Variants in PHRF1 observed in about 807,000 individuals in gnomAD.
The protein encoded by PHRF1 is PHD and RING finger domain-containing protein 1.
A neutral mutation model predicts 128.9 loss-of-function variants in PHRF1; 53 were observed. That is an observed-to-expected ratio of 0.41 (90% CI 0.33 to 0.52). PHRF1 has a LOEUF of 0.52. PHRF1 is among the 20% of genes least tolerant of loss of function. The pLI is 0.21. For synonymous variants in PHRF1, 1,178 were observed against 980.6 expected (o/e 1.20, Z -3.76); for missense variants, 2,503 against 2,284.5 (o/e 1.10, Z -1.95).
chr11:602,575 G>A (rs917474357), intron 10 of PHRF1, among the ~76,000 whole-genome samples: 1 of 151,848 alleles, frequency 6.6e-6, no homozygotes, highest in Non-Finnish European at 1.5e-5. Context: ...CCAGCCTCAG[G>A]AGGCTGAGGC....
Position 597,678 on chromosome 11 carries a change from G to T in PHRF1, c.894+108G>T. 1.5e-6 allele frequency: 2 copies of T among 1,363,324 alleles called. No individual in the cohort carries two copies. The highest frequency in any genetic ancestry group is 2.0e-6 in the Non-Finnish European group (2 of 1,008,610). The allele number at this position is 1,363,324 out of a possible 1,614,324, so 84.5% of individuals were successfully genotyped here. A position where few individuals can be genotyped will look rare whatever the true frequency, so the allele number is the denominator to read the frequency against. On this transcript the variant is annotated intron_variant, in intron 8 of 17. Transcript: ENST00000264555. This position sits in a 1 kb window ranked among gnomAD's most constrained non-coding sequence, Gnocchi z 6.5. ...TCGTCGGCACTGTGGGGTCCGCCCG[G>T]CCCCGGTGGCTCATGTTGTTCGGCC...
Position 591,391 on chromosome 11 carries a change from A to C in PHRF1, c.428A>C (p.Asn143Thr). The C allele has an allele frequency of 6.2e-7, 1 of 1,607,426 alleles. No individual in the cohort carries two copies. The highest frequency in any genetic ancestry group is 8.5e-7 in the Non-Finnish European group (1 of 1,177,108). ...TGTTTTTATTTCTCACAGAATGCCA[A>C]TTCCTGTCCAGTTGATCGAACTCTA... Reference protein sequence around the residue: ...DCIVEWSKNANSCPVDRTLFK... With the variant: ...DCIVEWSKNATSCPVDRTLFK... The change falls in exon 5 of 18, where the codon AAT becomes ACT. Residue 143 changes from asparagine to threonine, a missense_variant. Asn to Thr is a moderately conservative substitution (Grantham distance 65). Coordinates refer to ENST00000264555, the MANE Select transcript of PHRF1 (RefSeq NM_001286581.2).
chr11:611,532 C>G (rs1179208978), intron 17 of PHRF1, 102 bp from the exon 18 acceptor site: 3 of 1,537,666 alleles, frequency 2.0e-6, no homozygotes, highest in African/African-American at 1.4e-5. Flanking sequence ...CTAGGGCCTG[C>G]TCCTGAGCAG....
At chr11:583,818 C>T (rs1349779623) in intron 3 of PHRF1, among the ~76,000 whole-genome samples, 2 of 152,212 alleles carry the variant, frequency 1.3e-5, no homozygotes, top group Non-Finnish European at 2.9e-5. Flanking sequence ...CTCGGTGGTG[C>T]ACAGCCTGTG....
intron 3 of PHRF1, among the ~76,000 whole-genome samples, chr11:585,588 CTTG>C (rs1455766521): frequency 0.18 from 21,995 of 121,824 alleles, 1,470 homozygotes; most frequent in South Asian, 0.24. Context: ...CCCTTTCCAG[CTTG>C]AGGTAGTAGC....
At position 611,809 on chromosome 11, in the gene PHRF1, C is replaced by T. The variant is rs762880939; in HGVS notation, c.*32C>T. 1 of 1,569,538 alleles carries T rather than the reference C, an allele frequency of 6.4e-7. No homozygotes were observed. The highest frequency in any genetic ancestry group is 8.6e-7 in the Non-Finnish European group (1 of 1,159,994). ...GCAATCACGGGCTATGCCCGGGGAG[C>T]TGTCGGGAGTGGCGGGAATCGGGGC... On this transcript the variant is annotated 3_prime_UTR_variant, in exon 18 of 18. Transcript: ENST00000264555.
Position 610,525 on chromosome 11 carries a change from G to A in PHRF1, c.4441G>A (p.Ala1481Thr). 1.2e-6 allele frequency: 2 copies of A among 1,604,690 alleles called. No individual in the cohort carries two copies. The highest frequency in any genetic ancestry group is 1.7e-6 in the Non-Finnish European group (2 of 1,179,098). ...GGTTTACAGCCCCGGCCTGCCGCCT[G>A]CCCCGGCCCAGCCCTCAAGCATCCC... ...SQVYSPGLPPAPAQPSSIPPC... is the reference protein window; with the variant it reads ...SQVYSPGLPPTPAQPSSIPPC... Residue 1481 changes from alanine to threonine, a missense_variant, in exon 16 of 18, where the codon GCC becomes ACC. Transcript: ENST00000264555.
intron 17 of PHRF1, 70 bp downstream of exon 17, chr11:611,152 A>ATGGACTT: frequency 1.3e-6 from 2 of 1,590,584 alleles, no homozygotes; most frequent in Middle Eastern, 1.7e-4. Context: ...TCTCGTCAGC[A>ATGGACTT]TGGACTTTGG....
At chr11:601,056 C>T (rs1282703706) in intron 9 of PHRF1, among the ~76,000 whole-genome samples, 2 of 152,226 alleles carry the variant, frequency 1.3e-5, no homozygotes. Context: ...GAGGCTGAGG[C>T]AGGAGAATCG....
At chr11:595,660 G>T (rs761550423) in intron 6 of PHRF1, among the ~76,000 whole-genome samples, 1 of 152,244 alleles carries the variant, frequency 6.6e-6, no homozygotes, top group South Asian at 2.1e-4. Flanking sequence ...GCCTGGCCTG[G>T]CTGTGGATGG....
chr11:578,690 C>T (rs538611240), intron 1 of PHRF1, among the ~76,000 whole-genome samples: 11 of 152,150 alleles, frequency 7.2e-5, no homozygotes, highest in Non-Finnish European at 1.6e-4. Context: ...CTCAGACTCC[C>T]GAGCAGCTGG....
chr11:579,320 T>G (rs1046370746), intron 1 of PHRF1, among the ~76,000 whole-genome samples: 1 of 152,176 alleles, frequency 6.6e-6, no homozygotes, highest in Non-Finnish European at 1.5e-5. Context: ...TAGATTCATG[T>G]GAGAGAGTCT....
Position 605,292 on chromosome 11 carries a change from C to T in PHRF1, c.1326C>T (p.Pro442=). 6.2e-7 allele frequency: 1 copy of T among 1,613,154 alleles called. No homozygotes were observed. The highest frequency in any genetic ancestry group is 8.5e-7 in the Non-Finnish European group (1 of 1,179,462). ...SLFGDPYELD[P]FDSSEELSAN... ...TTGGAGATCCTTATGAGCTGGATCC[C>T]TTCGACAGGTGAGTGAACTGGTGAT... is the stretch of plus-strand genomic sequence containing the variant. The change falls in exon 11 of 18, where the codon CCC becomes CCT. Residue 442 remains proline, a synonymous_variant. Coordinates refer to ENST00000264555, the MANE Select transcript of PHRF1 (RefSeq NM_001286581.2).
rs568636744 is a variant in PHRF1, at chr11:607,966, G to GCTCCGA, written c.2515_2520dup (p.Asp839_Ser840dup). 8.8e-5 allele frequency: 142 copies of GCTCCGA among 1,611,756 alleles called. No individual in the cohort carries two copies. The African/African-American group carries it at 1.6e-3, about 18-fold the overall frequency. On this transcript the variant is annotated inframe_insertion, in exon 14 of 18. Transcript: ENST00000264555. ...GTCTACGACCCATCCGACCCCACCGGCTCCGACTCCAGCGCCCCTGGCAGC... is the reference window on the plus strand; with the variant it reads ...GTCTACGACCCATCCGACCCCACCGGCTCCGACTCCGACTCCAGCGCCCCTGGCAGC...
At chr11:598,608 C>G in intron 9 of PHRF1, 106 bp downstream of exon 9, 3 of 1,436,576 alleles carry the variant, frequency 2.1e-6, no homozygotes, top group Non-Finnish European at 2.8e-6. Flanking sequence ...TTTCTTCTTT[C>G]TGCAAGTTAA....
Position 607,918 on chromosome 11 carries a change from AGAC to A in PHRF1, c.2465_2467del (p.Thr822del), listed in dbSNP as rs768024866. ...CCCTCACCCCTCTTCTCCATCAAGA[AGAC>A]GAAGCAGCTGCGGAGCGAGGTCTAC... On this transcript the variant is annotated inframe_deletion, in exon 14 of 18. Coordinates refer to ENST00000264555, the MANE Select transcript of PHRF1 (RefSeq NM_001286581.2). 6.2e-7 allele frequency: 1 copy of A among 1,612,658 alleles called. No individual in the cohort carries two copies. The highest frequency in any genetic ancestry group is 8.5e-7 in the Non-Finnish European group (1 of 1,179,868).
rs776844763 is a variant in PHRF1 at position 609,229 on chromosome 11, A to C, written c.3773A>C (p.Asp1258Ala). Residue 1258 changes from aspartate to alanine, a missense_variant, in exon 14 of 18, where the codon GAC becomes GCC. Asp to Ala is a moderately radical substitution (Grantham distance 126). Transcript: ENST00000264555. ...VAAECEPDDL[D>A]LDYGDSVEAG... ...GCTGAGTGTGAGCCGGACGACCTGG[A>C]CCTGGATTATGGCGACTCCGTGGAG... is the stretch of plus-strand genomic sequence containing the variant. 70 of 1,610,560 alleles carry C rather than the reference A, an allele frequency of 4.3e-5. No individual in the cohort carries two copies. Among genetic ancestry groups the C allele is most frequent in the Non-Finnish European group, 5.8e-5 (69 of 1,179,860 alleles).
chr11:579,836 C>T (rs1477362299), intron 1 of PHRF1, among the ~76,000 whole-genome samples: 2 of 152,246 alleles, frequency 1.3e-5, no homozygotes, highest in Non-Finnish European at 2.9e-5. Context: ...TTTTATAAGG[C>T]ATCATCTTAG....
intron 3 of PHRF1, among the ~76,000 whole-genome samples, chr11:584,347 G>A (rs1854397003): frequency 6.6e-6 from 1 of 152,230 alleles, no homozygotes; most frequent in Non-Finnish European, 1.5e-5. Context: ...AGAGACTCTG[G>A]GTTGGGGGCT....
Sources: gnomAD v4.1 joint callset for allele counts (sites outside exome capture counted in the v4.1 genomes callset) on GRCh38, gnomAD v4.1.1 for gene constraint, Gnocchi (gnomAD v3.1) non-coding constraint, MANE v1.5 for transcripts, NCBI Gene and HGNC (gene_info 2026-07-23, HGNC 2026-07-21) for gene names.